VPS45: variants seen among roughly 807,000 people sequenced by gnomAD.
The protein encoded by VPS45 is vacuolar protein sorting 45 homolog.
Under a neutral mutation model 75.9 loss-of-function variants are expected in VPS45, and 35 were observed. The ratio of observed to expected loss-of-function variants is 0.46; its 90% confidence interval spans 0.35 to 0.61. VPS45 has a LOEUF of 0.61. Ranked by LOEUF, VPS45 falls within the 20% of genes least tolerant of loss-of-function variation. The pLI is 0.00. For synonymous variants in VPS45, 220 were observed against 238.2 expected, an observed-to-expected ratio of 0.92 and a Z score of 0.70; for missense variants, 559 against 685.9, an observed-to-expected ratio of 0.81 and a Z score of 2.07.
chr1:150,115,625 C>T (rs1217420990), intron 14 of VPS45, among the ~76,000 whole-genome samples: 3 of 152,176 alleles, frequency 2.0e-5, no homozygotes, highest in Non-Finnish European at 4.4e-5. Context: ...ATTCAAGATA[C>T]ATCTCTCTTG....
rs908673450 is a variant in VPS45, at chr1:150,071,051, G to T, written c.229-1115G>T. On this transcript the variant is annotated intron_variant, in intron 2 of 14. Transcript: ENST00000644510. ...ATAAAGTTAATTTGAAATCTAAATT[G>T]CATTTTTAAATCTAAATTACAATTT... 2.8e-4 allele frequency among the ~76,000 whole-genome samples: 42 copies of T among 151,802 alleles called. 1 individual carries two copies. The highest frequency in any genetic ancestry group is 4.6e-4 in the Admixed American group (7 of 15,258).
intron 14 of VPS45, among the ~76,000 whole-genome samples, chr1:150,112,280 T>C (rs1220442860): frequency 6.6e-6 from 1 of 152,200 alleles, no homozygotes; most frequent in Non-Finnish European, 1.5e-5. Context: ...TTTTGTTGTA[T>C]AAAAGTTTTG....
At chr1:150,072,346 T>A in intron 3 of VPS45, 120 bp downstream of exon 3, 1 of 705,760 alleles carries the variant, frequency 1.4e-6, no homozygotes, top group Non-Finnish European at 2.2e-6. Flanking sequence ...CTAGTTTATT[T>A]AATGTCCTTC....
intron 3 of VPS45, among the ~76,000 whole-genome samples, chr1:150,072,830 A>C (rs1280481193): frequency 6.6e-6 from 1 of 152,160 alleles, no homozygotes; most frequent in Non-Finnish European, 1.5e-5. Context: ...TGCCAAAAAA[A>C]AAAAGTATAT....
chr1:150,073,245 C>T (rs1553797390), intron 3 of VPS45, among the ~76,000 whole-genome samples: 1 of 152,056 alleles, frequency 6.6e-6, no homozygotes, highest in Admixed American at 6.6e-5. Context: ...CTAGATTTAA[C>T]AGTAAGTAGG....
intron 14 of VPS45, among the ~76,000 whole-genome samples, chr1:150,118,757 G>T (rs1658080581): frequency 1.3e-5 from 2 of 152,152 alleles, no homozygotes; most frequent in African/African-American, 4.8e-5. Context: ...TCCTGCGAAG[G>T]CCTTATGCTA....
chr1:150,072,162 C>T lies in VPS45; in HGVS notation c.229-4C>T, dbSNP rs782348489. 2 of 1,604,578 alleles carry T rather than the reference C, an allele frequency of 1.2e-6. No homozygotes were observed. The highest frequency in any genetic ancestry group is 2.2e-5 in the South Asian group (2 of 89,630). ...ATTTTGTTTGCTTGTTCTTCATTTT[C>T]TAGGAGAATGTGGATTATATTATTC... On this transcript the variant is annotated splice_region_variant and splice_polypyrimidine_tract_variant and intron_variant, in intron 2 of 14. Transcript: ENST00000644510.
intron 12 of VPS45, among the ~76,000 whole-genome samples, chr1:150,092,964 T>A (rs1279059801): frequency 1.4e-5 from 2 of 147,036 alleles, no homozygotes; most frequent in African/African-American, 5.0e-5. Context: ...TGCCTCAGCC[T>A]CTCGAGTAGC....
chr1:150,082,323 A>T (rs952041246), intron 9 of VPS45, among the ~76,000 whole-genome samples: 1 of 152,088 alleles, frequency 6.6e-6, no homozygotes, highest in African/African-American at 2.4e-5. Context: ...CCTGACCAAC[A>T]TGGTGAAACC....
At chr1:150,113,822 G>A (rs1301699756) in intron 14 of VPS45, among the ~76,000 whole-genome samples, 1 of 152,094 alleles carries the variant, frequency 6.6e-6, no homozygotes, top group Non-Finnish European at 1.5e-5. Flanking sequence ...TTGAACCTGG[G>A]AGGTAGAGGT....
chr1:150,137,976 C>T (rs777187106), intron 14 of VPS45, among the ~76,000 whole-genome samples: 73 of 151,094 alleles, frequency 4.8e-4, no homozygotes, highest in Non-Finnish European at 9.1e-4. Context: ...CTTTAAAAGC[C>T]CTCTCTTAAC....
chr1:150,096,356 G>T (rs2101576311), intron 13 of VPS45, among the ~76,000 whole-genome samples: 1 of 152,320 alleles, frequency 6.6e-6, no homozygotes, highest in East Asian at 1.9e-4. Flanking sequence ...TATTACAGAA[G>T]AGTATTAGTA....
intron 14 of VPS45, among the ~76,000 whole-genome samples, chr1:150,122,336 G>T (rs782030443): frequency 6.6e-6 from 1 of 151,972 alleles, no homozygotes; most frequent in Non-Finnish European, 1.5e-5. Context: ...TAAAGGAGGT[G>T]GGGGGAGTAA....
chr1:150,091,644 C>T (rs1430410446), intron 10 of VPS45, among the ~76,000 whole-genome samples: 1 of 152,170 alleles, frequency 6.6e-6, no homozygotes, highest in African/African-American at 2.4e-5. Flanking sequence ...AGTAAGTGTT[C>T]TTTCAGCAAG....
At chr1:150,086,497 G>GTTT (rs61375169) in intron 10 of VPS45, among the ~76,000 whole-genome samples, 3,263 of 152,048 alleles carry the variant, frequency 0.021, 97 homozygotes, top group African/African-American at 0.074. Context: ...TTTTGTGTGT[G>GTTT]TGTTTTGTTT....
rs1657595966 is a variant in VPS45, at chr1:150,110,610, A to G, written c.1608A>G (p.Thr536=). 2.5e-6 allele frequency: 4 copies of G among 1,611,074 alleles called. No individual in the cohort carries two copies. In the East Asian group the frequency reaches 8.9e-5, roughly 36 times the overall value. The change falls in exon 14 of 15, where the codon ACA becomes ACG. Residue 536 remains threonine, a synonymous_variant. Transcript: ENST00000644510. Reference sequence around the variant, plus strand: ...TGAGGATTGTCCTGGGAGGCACCACAGTGCACAACACGAAAAGGTAAAAGA... The same window carrying G: ...TGAGGATTGTCCTGGGAGGCACCACGGTGCACAACACGAAAAGGTAAAAGA... ...PGVRIVLGGT[T]VHNTKSFLEE... is the part of the protein sequence containing the mutation.
At chr1:150,111,847 T>TA (rs1553807228) in intron 14 of VPS45, among the ~76,000 whole-genome samples, 1 of 152,196 alleles carries the variant, frequency 6.6e-6, no homozygotes, top group Non-Finnish European at 1.5e-5. Flanking sequence ...TTTAAGCCTG[T>TA]ATAGACGTTT....
At chr1:150,085,446 C>G (rs1553800472) in intron 10 of VPS45, among the ~76,000 whole-genome samples, 1 of 152,142 alleles carries the variant, frequency 6.6e-6, no homozygotes, top group African/African-American at 2.4e-5. Flanking sequence ...TTGTGATCCA[C>G]TTTTTATTTT....
intron 2 of VPS45, among the ~76,000 whole-genome samples, chr1:150,069,531 A>G (rs1322982261): frequency 7.3e-6 from 1 of 136,742 alleles, no homozygotes; most frequent in South Asian, 2.2e-4. Context: ...ATCTCGGCTC[A>G]CTGCAAGCTC....
Sources: allele counts gnomAD v4.1 joint callset (sites outside exome capture counted in the v4.1 genomes callset), GRCh38; gene constraint gnomAD v4.1.1; transcripts MANE v1.5; gene names NCBI Gene and HGNC (gene_info 2026-07-23, HGNC 2026-07-21).